DNAH3: variants seen among roughly 807,000 people sequenced by gnomAD.
The protein encoded by DNAH3 is dynein axonemal heavy chain 3, also known as axonemal beta dynein heavy chain 3.
Under a neutral mutation model 432.5 loss-of-function variants are expected in DNAH3, and 332 were observed. The observed-to-expected ratio is 0.77, with a 90% CI of 0.70 to 0.84. The LOEUF is 0.84. Among genes scored for constraint, DNAH3 ranks in the 40% least tolerant of loss-of-function variants. The probability of loss-of-function intolerance (pLI) is 0.00; values close to 1 mark genes in which losing one functional copy is unlikely to be tolerated. For missense variants in DNAH3, 4,861 were observed against 5,114.0 expected (o/e 0.95, Z 1.51); for synonymous variants, 1,956 against 1,900.2 (o/e 1.03, Z -0.76).
intron 41 of DNAH3, among the ~76,000 whole-genome samples, chr16:21,018,879 A>G (rs913227066): frequency 6.6e-6 from 1 of 150,666 alleles, no homozygotes; most frequent in African/African-American, 2.4e-5. Flanking sequence ...GGAGCAAGAG[A>G]GCAACACTCT....
chr16:20,963,029 T>A (rs777171088), intron 53 of DNAH3, among the ~76,000 whole-genome samples: 1 of 149,276 alleles, frequency 6.7e-6, no homozygotes, highest in African/African-American at 2.5e-5. Context: ...TTTCTCCATT[T>A]CTGGTTCTCT....
At chr16:21,020,205 A>G (rs573516567) in intron 40 of DNAH3, among the ~76,000 whole-genome samples, 1 of 150,018 alleles carries the variant, frequency 6.7e-6, no homozygotes, top group East Asian at 2.0e-4. Context: ...ATTTTTTTAT[A>G]GAGATGGGGT....
intron 31 of DNAH3, among the ~76,000 whole-genome samples, chr16:21,045,253 C>T (rs1233096945): frequency 6.6e-6 from 1 of 151,732 alleles, no homozygotes; most frequent in Non-Finnish European, 1.5e-5. Context: ...GGAATGGTAC[C>T]AGTTCCTCCT....
At position 21,125,207 on chromosome 16, in the gene DNAH3, C is replaced by CA. The variant is rs780625275; in HGVS notation, c.1371dup (p.Glu458Ter). ...ATCATGAAAAGGGAAACGAGGTCCT[C>CA]AAGTGACTTAATGACCAGCTCCCTA... On this transcript the variant is annotated frameshift_variant, in exon 9 of 62. Coordinates refer to ENST00000261383, the Ensembl canonical transcript of DNAH3. LOFTEE classifies it high-confidence loss of function. 31 of 1,611,178 alleles carry CA rather than the reference C, an allele frequency of 1.9e-5. No individual in the cohort carries two copies. The highest frequency in any genetic ancestry group is 2.5e-5 in the Non-Finnish European group (29 of 1,178,424).
chr16:21,136,961 C>T (rs1212316844), intron 5 of DNAH3, among the ~76,000 whole-genome samples: 1 of 151,958 alleles, frequency 6.6e-6, no homozygotes, highest in African/African-American at 2.4e-5. Context: ...GGTGAAACCC[C>T]ATCTCTACTA....
chr16:21,139,893 C>T (rs2092696988), intron 5 of DNAH3, among the ~76,000 whole-genome samples: 2 of 151,048 alleles, frequency 1.3e-5, no homozygotes, highest in Middle Eastern at 3.4e-3. Context: ...GATTCTCCTG[C>T]CTCAGCCTCC....
At chr16:21,075,391 A>G in intron 21 of DNAH3, 56 bp downstream of exon 21, 2 of 1,160,748 alleles carry the variant, frequency 1.7e-6, no homozygotes, top group Non-Finnish European at 2.6e-6. Flanking sequence ...TCTGTAATCT[A>G]TTGCATAATA....
intron 7 of DNAH3, among the ~76,000 whole-genome samples, chr16:21,133,074 G>A (rs763630686): frequency 2.6e-5 from 4 of 152,030 alleles, no homozygotes; most frequent in South Asian, 2.1e-4. Context: ...AAGACCGTCC[G>A]GGCGTGGTGG....
intron 18 of DNAH3, among the ~76,000 whole-genome samples, chr16:21,090,706 G>C (rs2091506622): frequency 6.6e-6 from 1 of 152,158 alleles, no homozygotes; most frequent in Admixed American, 6.6e-5. Context: ...CATAGAAACA[G>C]AGAGTAGAAA....
At chr16:20,989,437 G>C (rs976737575) in intron 44 of DNAH3, among the ~76,000 whole-genome samples, 3 of 152,174 alleles carry the variant, frequency 2.0e-5, no homozygotes. Flanking sequence ...GGCCCCACCA[G>C]AGCAGCTAGA....
At chr16:21,019,784 C>T (rs2088062843) in exon 41 of DNAH3, 1 of 1,614,034 alleles carries the variant, frequency 6.2e-7, no homozygotes. Context: ...AAAAGAGAAA[C>T]AGTCCTTGGA....
chr16:21,118,728 G>A (rs2092265894), intron 11 of DNAH3, among the ~76,000 whole-genome samples: 1 of 152,128 alleles, frequency 6.6e-6, no homozygotes, highest in African/African-American at 2.4e-5. Flanking sequence ...TATGAACCCT[G>A]GCCCTCGGCT....
chr16:20,961,075 AAAC>A (rs749533159), intron 53 of DNAH3, among the ~76,000 whole-genome samples: 5 of 152,184 alleles, frequency 3.3e-5, no homozygotes, highest in Non-Finnish European at 5.9e-5. Flanking sequence ...CACTAAAAAA[AAAC>A]CTACACGAGG....
chr16:21,081,786 CCTT>C, intron 19 of DNAH3, 59 bp from the exon 20 acceptor site: 14 of 1,409,552 alleles, frequency 9.9e-6, no homozygotes, highest in Non-Finnish European at 1.4e-5. Context: ...TCCAGTAGAA[CCTT>C]CTGTGATGAT....
chr16:21,102,484 C>T (rs143086498), intron 16 of DNAH3, among the ~76,000 whole-genome samples: 40 of 152,316 alleles, frequency 2.6e-4, no homozygotes, highest in Non-Finnish European at 4.9e-4. Context: ...GGGATTCCTA[C>T]CACGTGCTGT....
At chr16:20,935,317 C>G (rs932796742) in intron 61 of DNAH3, 31 bp downstream of exon 61, 1 of 1,613,370 alleles carries the variant, frequency 6.2e-7, no homozygotes, top group African/African-American at 1.3e-5. Context: ...TGGTCAGCCC[C>G]TTGAGTGAGC....
intron 51 of DNAH3, 89 bp from the exon 52 acceptor site, chr16:20,970,079 AG>A: frequency 8.0e-7 from 1 of 1,246,298 alleles, no homozygotes; most frequent in Non-Finnish European, 1.2e-6. Flanking sequence ...ATGAGGAAGA[AG>A]GAAGAGGTGC....
At chr16:20,997,509 T>G in intron 43 of DNAH3, 47 bp from the exon 44 acceptor site, 1 of 1,597,028 alleles carries the variant, frequency 6.3e-7, no homozygotes, top group Non-Finnish European at 8.6e-7. Context: ...TCATGGCATC[T>G]TCTGCTCTTA....
chr16:21,076,264 C>T (rs2090972025), intron 20 of DNAH3, among the ~76,000 whole-genome samples: 1 of 152,116 alleles, frequency 6.6e-6, no homozygotes, highest in Non-Finnish European at 1.5e-5. Flanking sequence ...GAGATTAGGA[C>T]ACAGACACAC....
Sources: gnomAD v4.1 joint callset for allele counts (sites outside exome capture counted in the v4.1 genomes callset) on GRCh38, gnomAD v4.1.1 for gene constraint, MANE v1.5 for transcripts, NCBI Gene and HGNC (gene_info 2026-07-23, HGNC 2026-07-21) for gene names.